DNAH12: variants seen among roughly 807,000 people sequenced by gnomAD.
DNAH12 encodes the protein dynein axonemal heavy chain 12.
DNAH12 carries 285 observed loss-of-function variants against 371.5 expected under a neutral mutation model. That is an observed-to-expected ratio of 0.77 (90% CI 0.70 to 0.85). DNAH12 has a LOEUF of 0.85. Ranked by LOEUF, DNAH12 falls within the 40% of genes least tolerant of loss-of-function variation. DNAH12 has a pLI of 0.00. For missense variants in DNAH12, 3,611 were observed against 3,689.4 expected (o/e 0.98, Z 0.55); for synonymous variants, 1,200 against 1,213.0 (o/e 0.99, Z 0.22).
Position 57,457,966 on chromosome 3 carries a change from A to T in DNAH12, c.3091T>A (p.Leu1031Ile). 1 of 1,551,598 alleles carries T rather than the reference A, an allele frequency of 6.4e-7. No individual in the cohort carries two copies. Among genetic ancestry groups the T allele is most frequent in the Non-Finnish European group, 8.7e-7 (1 of 1,146,928 alleles). The change falls in exon 22 of 74, where the codon TTA (leucine) becomes ATA (isoleucine). Residue 1031 changes from leucine (L) to isoleucine (I), a missense_variant. Leu to Ile is a conservative substitution (Grantham distance 5). Around this residue, in one of 3 missense-constraint regions of DNAH12, gnomAD observed 1,314 missense variants for 1,398.7 expected, o/e 0.94. Transcript: ENST00000495027. ...CTAAGTGGATCTTTGGTCTCTGATA[A>T]AATCTCTAACATTTCATCATTAGAT... Reference protein sequence around the residue: ...FLSNDEMLEILSETKDPLRVQ... With the variant: ...FLSNDEMLEIISETKDPLRVQ...
Position 57,520,068 on chromosome 3 carries a change from G to C in DNAH12, c.279+3515C>G. 1.4e-5 allele frequency: 7 copies of C among 491,866 alleles called. 1 individual carries two copies. Among genetic ancestry groups the C allele is most frequent in the South Asian group, 1.1e-4 (5 of 46,696 alleles). The allele number at this position is 491,866 out of a possible 1,614,324, so 30.5% of individuals were successfully genotyped here. A position where few individuals can be genotyped will look rare whatever the true frequency, so the allele number is the denominator to read the frequency against. ...GTTGGGGAAAGCCGGAGGCTGTGGC[G>C]GCTCTGTGGCTACAGCGTTACCTTA... On this transcript the variant is annotated intron_variant, in intron 4 of 73. Transcript: ENST00000495027.
intron 11 of DNAH12, chr3:57,498,319 T>G: frequency 1.7e-6 from 1 of 577,326 alleles, no homozygotes; most frequent in Admixed American, 3.0e-5. Flanking sequence ...AAATTTAAGT[T>G]TCTTCTGTTT....
intron 4 of DNAH12, among the ~76,000 whole-genome samples, chr3:57,518,028 T>G (rs1276431197): frequency 6.6e-6 from 1 of 152,086 alleles, no homozygotes; most frequent in Non-Finnish European, 1.5e-5. Flanking sequence ...CACACCAGCC[T>G]GGGTGACAGA....
intron 13 of DNAH12, among the ~76,000 whole-genome samples, chr3:57,476,116 G>T (rs1054103486): frequency 2.0e-5 from 3 of 152,074 alleles, no homozygotes; most frequent in Non-Finnish European, 4.4e-5. Flanking sequence ...TAGGAACAAT[G>T]ACATTACTAA....
chr3:57,361,895 G>A (rs1207514254), intron 58 of DNAH12, among the ~76,000 whole-genome samples: 1 of 151,852 alleles, frequency 6.6e-6, no homozygotes, highest in Admixed American at 6.6e-5. Context: ...TTAAGTTCTA[G>A]GGTACATGTG....
chr3:57,512,026 T>C (rs1436016144), intron 4 of DNAH12, among the ~76,000 whole-genome samples: 1 of 151,748 alleles, frequency 6.6e-6, no homozygotes, highest in East Asian at 1.9e-4. Context: ...ATGATTCAAA[T>C]ACTAGATACA....
chr3:57,508,134 C>T (rs2067834310), intron 7 of DNAH12, among the ~76,000 whole-genome samples: 1 of 149,512 alleles, frequency 6.7e-6, no homozygotes. Context: ...TTGCAGTGAG[C>T]CAAGATCGCA....
chr3:57,334,029 A>G (rs2062167280), intron 62 of DNAH12, among the ~76,000 whole-genome samples: 1 of 152,210 alleles, frequency 6.6e-6, no homozygotes, highest in South Asian at 2.1e-4. Flanking sequence ...AATTTTTTAG[A>G]GATGAAATAC....
Position 57,516,053 on chromosome 3 carries a change from CTTTTTTTTTTTT to C in DNAH12, c.280-5086_280-5075del, listed in dbSNP as rs11395278. Among the ~76,000 whole-genome samples the C allele has an allele frequency of 1.6e-3, 113 of 71,994 alleles. 1 individual carries two copies. The highest frequency in any genetic ancestry group is 3.0e-3 in the South Asian group (4 of 1,350). The allele number at this position is 71,994 out of a possible 152,430, so 47.2% of individuals were successfully genotyped here. ...CCACTCCATTAATGTACTGCTTAGTCTTTTTTTTTTTTTTTTTTTTTTTTTCTTCAGATGGAG... is the reference window on the plus strand; with the variant it reads ...CCACTCCATTAATGTACTGCTTAGTCTTTTTTTTTTTTTCTTCAGATGGAG... On this transcript the variant is annotated intron_variant, in intron 4 of 73. Transcript: ENST00000495027.
At chr3:57,537,372 GC>G in intron 2 of DNAH12, among the ~76,000 whole-genome samples, 1 of 152,286 alleles carries the variant, frequency 6.6e-6, no homozygotes, top group Middle Eastern at 3.4e-3. Context: ...AAGGAAGAAG[GC>G]AGGCTCATTC....
chr3:57,543,720 T>A (rs1427394650), intron 1 of DNAH12, among the ~76,000 whole-genome samples: 3 of 151,010 alleles, frequency 2.0e-5, no homozygotes, highest in African/African-American at 7.3e-5. Flanking sequence ...ACTTGATGCA[T>A]GGCAAATATA....
intron 55 of DNAH12, among the ~76,000 whole-genome samples, chr3:57,373,076 A>G (rs2063208526): frequency 6.6e-6 from 1 of 152,178 alleles, no homozygotes; most frequent in East Asian, 1.9e-4. Flanking sequence ...ATGCAAAAAG[A>G]AGGAAGCAAA....
intron 58 of DNAH12, among the ~76,000 whole-genome samples, chr3:57,361,680 C>T (rs1205827943): frequency 1.3e-5 from 2 of 151,646 alleles, no homozygotes; most frequent in African/African-American, 4.9e-5. Context: ...ACCAAGAACT[C>T]CAATCAGAAA....
At chr3:57,324,001 T>C (rs994294000) in intron 62 of DNAH12, among the ~76,000 whole-genome samples, 6 of 152,198 alleles carry the variant, frequency 3.9e-5, no homozygotes, top group African/African-American at 7.2e-5. Flanking sequence ...TGTGACTAAG[T>C]TTTGGCCAGA....
At chr3:57,533,725 T>G (rs1163742730) in intron 2 of DNAH12, among the ~76,000 whole-genome samples, 1 of 152,232 alleles carries the variant, frequency 6.6e-6, no homozygotes, top group Non-Finnish European at 1.5e-5. Context: ...GTATCCCAGA[T>G]GCAAGACAAA....
intron 45 of DNAH12, among the ~76,000 whole-genome samples, 166 bp downstream of exon 45, chr3:57,391,706 G>T (rs2063626639): frequency 6.6e-6 from 1 of 152,274 alleles, no homozygotes; most frequent in East Asian, 1.9e-4. Flanking sequence ...CTCCTTGTGA[G>T]GATCATGTAG....
intron 62 of DNAH12, among the ~76,000 whole-genome samples, chr3:57,327,169 A>C (rs1196679406): frequency 3.3e-5 from 5 of 152,170 alleles, no homozygotes; most frequent in African/African-American, 1.2e-4. Context: ...AAAGTCAACA[A>C]GGATACCCAG....
At chr3:57,341,539 A>G (rs1469544830) in intron 60 of DNAH12, among the ~76,000 whole-genome samples, 1 of 152,148 alleles carries the variant, frequency 6.6e-6, no homozygotes, top group African/African-American at 2.4e-5. Context: ...AATTTAACCA[A>G]GGAGGTGAAG....
chr3:57,325,103 G>C (rs987209324), intron 62 of DNAH12, among the ~76,000 whole-genome samples: 1 of 152,244 alleles, frequency 6.6e-6, no homozygotes, highest in Non-Finnish European at 1.5e-5. Context: ...ACAGCTCAAG[G>C]AGGCCTGCCT....
Sources: allele counts gnomAD v4.1 joint callset (sites outside exome capture counted in the v4.1 genomes callset), GRCh38; gene constraint gnomAD v4.1.1; regional missense constraint gnomAD v4.1.1; transcripts MANE v1.5; gene names NCBI Gene and HGNC (gene_info 2026-07-23, HGNC 2026-07-21).